GPC6: variants seen among roughly 807,000 people sequenced by gnomAD.
GPC6 encodes glypican 6.
GPC6 carries 14 observed loss-of-function variants against 55.2 expected under a neutral mutation model. The observed-to-expected ratio is 0.25, with a 90% CI of 0.17 to 0.40. The LOEUF (loss-of-function observed/expected upper bound fraction) is 0.40, where lower values mean the gene tolerates loss of function less well. Ranked by LOEUF, GPC6 falls within the 10% of genes least tolerant of loss-of-function variation. The pLI, the probability that GPC6 is intolerant of heterozygous loss-of-function variation, is 1.00. For synonymous variants in GPC6, 278 were observed against 259.6 expected (o/e 1.07, Z -0.68); for missense variants, 641 against 708.5 (o/e 0.90, Z 1.08).
chr13:94,056,914 A>G (rs1369302339), intron 4 of GPC6, among the ~76,000 whole-genome samples: 1 of 152,240 alleles, frequency 6.6e-6, no homozygotes, highest in African/African-American at 2.4e-5. Flanking sequence ...TCTGGATGTC[A>G]TTAACATTAC....
intron 1 of GPC6, among the ~76,000 whole-genome samples, chr13:93,326,820 T>G (rs937395826): frequency 6.6e-6 from 1 of 152,186 alleles, no homozygotes; most frequent in African/African-American, 2.4e-5. Context: ...CAGCGAACAT[T>G]TTTTTAAATA....
At chr13:94,182,559 C>T (rs1889033956) in intron 4 of GPC6, among the ~76,000 whole-genome samples, 1 of 152,082 alleles carries the variant, frequency 6.6e-6, no homozygotes, top group Non-Finnish European at 1.5e-5. Context: ...GGCTTTCTCA[C>T]AATTGGGAGT....
chr13:93,533,543 T>G (rs1165243995), intron 1 of GPC6, among the ~76,000 whole-genome samples: 1 of 152,204 alleles, frequency 6.6e-6, no homozygotes, highest in Non-Finnish European at 1.5e-5. Flanking sequence ...GACTGTATAC[T>G]CTGAAGAGGG....
intron 2 of GPC6, among the ~76,000 whole-genome samples, chr13:93,696,281 C>G (rs570374793): frequency 1.7e-4 from 26 of 152,182 alleles, no homozygotes; most frequent in African/African-American, 5.5e-4. Context: ...CTCAACTTCA[C>G]AAACTTTGAA....
chr13:94,096,430 C>T (rs547826680), intron 4 of GPC6, among the ~76,000 whole-genome samples: 2 of 152,092 alleles, frequency 1.3e-5, no homozygotes, highest in African/African-American at 2.4e-5. Context: ...TGCCCTTAGC[C>T]GGGCTCCTGT....
intron 2 of GPC6, among the ~76,000 whole-genome samples, chr13:93,660,165 T>C (rs1286991573): frequency 6.6e-6 from 1 of 152,128 alleles, no homozygotes; most frequent in Non-Finnish European, 1.5e-5. Context: ...AAAAAAACTA[T>C]GCCATTTAAC....
At chr13:93,322,811 T>C (rs1262132413) in intron 1 of GPC6, among the ~76,000 whole-genome samples, 1 of 152,126 alleles carries the variant, frequency 6.6e-6, no homozygotes. Flanking sequence ...TATTATACTT[T>C]AAGTTCTGGG....
In GPC6 at chr13:94,403,098, G is replaced by A; in HGVS notation, c.1549G>A (p.Ala517Thr). The A allele has an allele frequency of 6.2e-7, 1 of 1,613,660 alleles. No individual in the cohort carries two copies. The highest frequency in any genetic ancestry group is 8.5e-7 in the Non-Finnish European group (1 of 1,179,550). ...PTEFEFVTTE[A>T]PAVDPDRREV... is the part of the protein sequence containing the mutation. ...GGAGTTTGAGTTTGTCACCACAGAG[G>A]CCCCCGCAGTGGATCCCGACCGGAG... Residue 517 changes from alanine to threonine, a missense_variant, in exon 9 of 9, where the codon GCC (alanine) becomes ACC (threonine). By Grantham distance (58) the Ala-to-Thr change is moderately conservative. Coordinates refer to ENST00000377047, the MANE Select transcript of GPC6 (RefSeq NM_005708.5).
At chr13:94,125,850 G>T (rs1036573044) in intron 4 of GPC6, among the ~76,000 whole-genome samples, 1 of 151,740 alleles carries the variant, frequency 6.6e-6, no homozygotes, top group Non-Finnish European at 1.5e-5. Flanking sequence ...ACATAATAAG[G>T]TTCATTAAAT....
intron 2 of GPC6, among the ~76,000 whole-genome samples, chr13:93,559,811 T>A (rs916882436): frequency 1.1e-4 from 16 of 152,208 alleles, no homozygotes; most frequent in Non-Finnish European, 4.4e-5. Context: ...TGGGGTACCC[T>A]TGGCATGATG....
At chr13:93,656,406 C>A (rs1297772801) in intron 2 of GPC6, among the ~76,000 whole-genome samples, 4 of 152,092 alleles carry the variant, frequency 2.6e-5, no homozygotes, top group African/African-American at 9.7e-5. Flanking sequence ...TTTATTTCAT[C>A]ATTACTATAA....
intron 3 of GPC6, among the ~76,000 whole-genome samples, chr13:93,886,312 G>A (rs1380135977): frequency 2.0e-5 from 3 of 152,086 alleles, no homozygotes; most frequent in African/African-American, 4.8e-5. Context: ...AGGATACTAG[G>A]AACTTAGAAA....
At chr13:93,577,757 A>G (rs530985533) in intron 2 of GPC6, among the ~76,000 whole-genome samples, 1 of 152,060 alleles carries the variant, frequency 6.6e-6, no homozygotes, top group South Asian at 2.1e-4. Flanking sequence ...GTTAAATAAG[A>G]GTGGTGAAAG....
chr13:93,388,644 C>T (rs920316440), intron 1 of GPC6, among the ~76,000 whole-genome samples: 6 of 152,192 alleles, frequency 3.9e-5, no homozygotes, highest in Non-Finnish European at 5.9e-5. Flanking sequence ...CTTAGAGCTG[C>T]CCACCTGACC....
intron 2 of GPC6, among the ~76,000 whole-genome samples, chr13:93,765,244 A>G (rs1885081512): frequency 1.3e-5 from 1 of 78,410 alleles, no homozygotes; most frequent in South Asian, 3.9e-4. Context: ...GTCTGGAAAG[A>G]CAACTTTCCA....
intron 4 of GPC6, among the ~76,000 whole-genome samples, chr13:94,125,187 A>G (rs1053074570): frequency 6.6e-6 from 1 of 152,116 alleles, no homozygotes; most frequent in African/African-American, 2.4e-5. Context: ...TTTCTATGTA[A>G]AAGATAGTTA....
At position 93,878,137 on chromosome 13, in the gene GPC6, C is replaced by A. The variant is rs145541875; in HGVS notation, c.711+47592C>A. Among the ~76,000 whole-genome samples the A allele has an allele frequency of 2.0e-5, 3 of 151,804 alleles. No homozygotes were observed. In the East Asian group the frequency reaches 5.9e-4, roughly 30 times the overall value. On this transcript the variant is annotated intron_variant, in intron 3 of 8. Transcript: ENST00000377047. ...AGGTTGAATGAGTTTACAGGGAGAG[C>A]GATGGGGAGATAGAAGAAAAGAGGA... is the stretch of plus-strand genomic sequence containing the variant.
At chr13:93,434,857 C>A (rs1877508271) in intron 1 of GPC6, among the ~76,000 whole-genome samples, 1 of 152,042 alleles carries the variant, frequency 6.6e-6, no homozygotes, top group Admixed American at 6.5e-5. Context: ...CAGGGGTGCA[C>A]CACCATGCCC....
chr13:93,425,722 T>C (rs1428774718), intron 1 of GPC6, among the ~76,000 whole-genome samples: 1 of 152,160 alleles, frequency 6.6e-6, no homozygotes, highest in African/African-American at 2.4e-5. Context: ...AATTAAAAAC[T>C]GCAAACCTCT....
Sources: allele counts gnomAD v4.1 joint callset (sites outside exome capture counted in the v4.1 genomes callset), GRCh38; gene constraint gnomAD v4.1.1; transcripts MANE v1.5; gene names NCBI Gene and HGNC (gene_info 2026-07-23, HGNC 2026-07-21).